The following AFF1 variants were observed in gnomAD, a reference collection of about 807,000 sequenced individuals.
AFF1 encodes the protein AF4/FMR2 family member 1.
Under a neutral mutation model 121.7 loss-of-function variants are expected in AFF1, and 48 were observed. The observed-to-expected ratio is 0.39, with a 90% CI of 0.31 to 0.50. The LOEUF is 0.50. AFF1 is among the 20% of genes least tolerant of loss of function. The pLI, the probability that AFF1 is intolerant of heterozygous loss-of-function variation, is 0.76. For synonymous variants in AFF1, 613 were observed against 563.0 expected, an observed-to-expected ratio of 1.09 and a Z score of -1.26; for missense variants, 1,523 against 1,511.7, an observed-to-expected ratio of 1.01 and a Z score of -0.12.
At chr4:87,100,212 A>G (rs780822567) in intron 8 of AFF1, among the ~76,000 whole-genome samples, 1 of 152,098 alleles carries the variant, frequency 6.6e-6, no homozygotes, top group Non-Finnish European at 1.5e-5. Context: ...AAGGGTAGTT[A>G]GTGTATTTTA....
intron 2 of AFF1, among the ~76,000 whole-genome samples, chr4:86,997,119 C>T (rs1246004563): frequency 6.6e-6 from 1 of 152,140 alleles, no homozygotes; most frequent in African/African-American, 2.4e-5. Context: ...ACCATGTTGG[C>T]CAGGCTTGTC....
At chr4:87,091,045 G>T in intron 6 of AFF1, among the ~76,000 whole-genome samples, 1 of 138,242 alleles carries the variant, frequency 7.2e-6, no homozygotes, top group Non-Finnish European at 1.5e-5. Context: ...AAAAAAAAAA[G>T]GTTCTATCTA....
chr4:86,985,623 C>T (rs1724190799), intron 2 of AFF1, among the ~76,000 whole-genome samples: 1 of 151,728 alleles, frequency 6.6e-6, no homozygotes, highest in Non-Finnish European at 1.5e-5. Flanking sequence ...TTGCAGTGAG[C>T]CAAGATCACA....
chr4:87,131,336 G>A, intron 17 of AFF1, 117 bp downstream of exon 17: 1 of 1,359,754 alleles, frequency 7.4e-7, no homozygotes, highest in Non-Finnish European at 1.0e-6. Flanking sequence ...CCTTAAAAAA[G>A]TTATTGGTCT....
At chr4:87,004,480 A>C (rs182274790) in intron 2 of AFF1, among the ~76,000 whole-genome samples, 14 of 152,322 alleles carry the variant, frequency 9.2e-5, no homozygotes, top group African/African-American at 3.4e-4. Flanking sequence ...ATTATTGAGA[A>C]AGAATGGCAT....
At position 87,091,930 on chromosome 4, in the gene AFF1, C is replaced by A; in HGVS notation, c.1228+101C>A. 5 of 766,714 alleles carry A rather than the reference C, an allele frequency of 6.5e-6. No homozygotes were observed. In the South Asian group the frequency reaches 8.4e-5, roughly 13 times the overall value. The allele number at this position is 766,714 out of a possible 1,614,324, so 47.5% of individuals were successfully genotyped here. On this transcript the variant is annotated intron_variant, in intron 7 of 20. Coordinates refer to ENST00000395146, the MANE Select transcript of AFF1 (RefSeq NM_001166693.3). Reference sequence around the variant, plus strand: ...AAAAAATGCCCCAGCAGAGATGAGGCCTTCCTATGTTGAAAGAATAGGAAA... The same window carrying A: ...AAAAAATGCCCCAGCAGAGATGAGGACTTCCTATGTTGAAAGAATAGGAAA...
At chr4:86,987,667 C>T (rs1724394181) in intron 2 of AFF1, among the ~76,000 whole-genome samples, 1 of 152,164 alleles carries the variant, frequency 6.6e-6, no homozygotes, top group Non-Finnish European at 1.5e-5. Context: ...AAAAATCATT[C>T]AGTCTGGCCA....
At chr4:87,000,480 T>G (rs369567336) in intron 2 of AFF1, among the ~76,000 whole-genome samples, 75 of 152,336 alleles carry the variant, frequency 4.9e-4, no homozygotes, top group African/African-American at 1.5e-3. Context: ...TTCTCAGTTT[T>G]GGCAAGTGGT....
At chr4:87,020,777 C>T (rs2149557612) in intron 2 of AFF1, 1 of 985,174 alleles carries the variant, frequency 1.0e-6, no homozygotes, top group South Asian at 4.7e-5. Context: ...ATTACCATGC[C>T]CAGTAATGCC....
chr4:86,978,129 G>T (rs1326867054), intron 2 of AFF1, among the ~76,000 whole-genome samples: 1 of 142,574 alleles, frequency 7.0e-6, no homozygotes, highest in African/African-American at 2.6e-5. Flanking sequence ...TTTTTAAAAT[G>T]ATGTCTCATT....
intron 2 of AFF1, among the ~76,000 whole-genome samples, chr4:87,045,771 A>G (rs2149611639): frequency 6.6e-6 from 1 of 152,306 alleles, no homozygotes; most frequent in Non-Finnish European, 1.5e-5. Context: ...TCTAAAGTCC[A>G]CATCCTGCTG....
chr4:86,947,819 G>GTTTTTT (rs71831049), intron 1 of AFF1, among the ~76,000 whole-genome samples: 1 of 148,580 alleles, frequency 6.7e-6, no homozygotes, highest in Non-Finnish European at 1.5e-5. Context: ...GTTTTTGTTT[G>GTTTTTT]TTTTTTTTTT....
intron 4 of AFF1, among the ~76,000 whole-genome samples, chr4:87,065,919 T>TA (rs1464279308): frequency 6.6e-6 from 1 of 152,252 alleles, no homozygotes; most frequent in African/African-American, 2.4e-5. Flanking sequence ...GAATAGTTTT[T>TA]AGAAGGCTTT....
intron 2 of AFF1, among the ~76,000 whole-genome samples, chr4:87,027,784 GTTTTTTTTTTTTTT>G (rs35903702): frequency 1.1e-5 from 1 of 90,598 alleles, no homozygotes; most frequent in South Asian, 3.7e-4. Flanking sequence ...TTGCTGTTGG[GTTTTTTTTTTTTTT>G]TTTTTTTTTT....
chr4:87,012,242 C>G (rs1179626128), intron 2 of AFF1, among the ~76,000 whole-genome samples: 2 of 56,900 alleles, frequency 3.5e-5, no homozygotes, highest in Non-Finnish European at 3.4e-5. Context: ...TTTTGTATAA[C>G]TATACATATT....
intron 5 of AFF1, among the ~76,000 whole-genome samples, chr4:87,085,785 G>C (rs1241864260): frequency 2.8e-5 from 4 of 145,344 alleles, no homozygotes; most frequent in South Asian, 2.1e-4. Flanking sequence ...GTCTCTCTCT[G>C]TCGCTCAGGC....
At chr4:87,030,355 A>C (rs1446578747) in intron 2 of AFF1, among the ~76,000 whole-genome samples, 1 of 152,254 alleles carries the variant, frequency 6.6e-6, no homozygotes, top group Non-Finnish European at 1.5e-5. Context: ...CTTTATTTAC[A>C]AAAATAGGTA....
intron 2 of AFF1, among the ~76,000 whole-genome samples, chr4:87,024,584 C>G (rs2149569219): frequency 6.7e-6 from 1 of 149,886 alleles, no homozygotes; most frequent in East Asian, 1.9e-4. Flanking sequence ...TACCCTTCAT[C>G]CTCCTTTAGG....
chr4:87,088,626 A>T (rs1723975969), intron 5 of AFF1, among the ~76,000 whole-genome samples: 1 of 151,506 alleles, frequency 6.6e-6, no homozygotes, highest in Non-Finnish European at 1.5e-5. Context: ...TGTTGTTGAG[A>T]CGGAGTCTCG....
Sources: allele counts gnomAD v4.1 joint callset (sites outside exome capture counted in the v4.1 genomes callset), GRCh38; gene constraint gnomAD v4.1.1; transcripts MANE v1.5; gene names NCBI Gene and HGNC (gene_info 2026-07-23, HGNC 2026-07-21).